ERICH3: variants seen among roughly 807,000 people sequenced by gnomAD.
ERICH3 encodes glutamate-rich protein 3.
ERICH3 carries 126 observed loss-of-function variants against 131.1 expected under a neutral mutation model. That is an observed-to-expected ratio of 0.96 (90% confidence interval 0.83 to 1.11). The LOEUF is 1.11. Among genes scored for constraint, ERICH3 ranks in the 50% most tolerant of loss-of-function variants. The pLI, the probability that ERICH3 is intolerant of heterozygous loss-of-function variation, is 0.00. For synonymous variants in ERICH3, 695 were observed against 644.6 expected, an observed-to-expected ratio of 1.08 and a Z score of -1.18; for missense variants, 2,050 against 1,810.7, an observed-to-expected ratio of 1.13 and a Z score of -2.40.
Position 74,569,413 on chromosome 1 carries a change from C to T in ERICH3, c.*1045G>A, listed in dbSNP as rs1298392614. Reference sequence around the variant, plus strand: ...TGTATGTCTTCAGGGAAATGAAAACCCCTAGGAGACAGGCTGATACACAAC... The same window carrying T: ...TGTATGTCTTCAGGGAAATGAAAACTCCTAGGAGACAGGCTGATACACAAC... On this transcript the variant is annotated 3_prime_UTR_variant, in exon 15 of 15. Transcript: ENST00000326665. The T allele has an allele frequency of 6.6e-6, 1 of 151,892 alleles. No individual in the cohort carries two copies. Among genetic ancestry groups the T allele is most frequent in the Non-Finnish European group, 1.5e-5 (1 of 67,988 alleles). The allele number at this position is 151,892 out of a possible 1,614,324, so 9.4% of individuals were successfully genotyped here.
At chr1:74,637,463 A>T (rs1646399708) in intron 5 of ERICH3, among the ~76,000 whole-genome samples, 1 of 152,010 alleles carries the variant, frequency 6.6e-6, no homozygotes, top group South Asian at 2.1e-4. Flanking sequence ...CTTTTTAAAC[A>T]CTTTCTAATT....
chr1:74,606,730 CT>C lies in ERICH3; in HGVS notation c.1359del (p.Ala454ProfsTer8), dbSNP rs765302138. On this transcript the variant is annotated frameshift_variant, in exon 10 of 15. Coordinates refer to ENST00000326665, the MANE Select transcript of ERICH3 (RefSeq NM_001002912.5). LOFTEE classifies it high-confidence loss of function. Reference sequence around the variant, plus strand: ...TTTATTTCTTGAGCTGAAAATTTGGCTGAAACAGAGGTTTTGTTCTCCTTGA... The same window carrying C: ...TTTATTTCTTGAGCTGAAAATTTGGCGAAACAGAGGTTTTGTTCTCCTTGA... ...NEIKENKTSV[S>X]AKFSAQEIKT... 5.5e-5 allele frequency: 89 copies of C among 1,613,298 alleles called. No individual in the cohort carries two copies. Among genetic ancestry groups the C allele is most frequent in the Non-Finnish European group, 7.3e-5 (86 of 1,179,596 alleles).
chr1:74,649,054 T>A (rs1300021846), intron 2 of ERICH3, among the ~76,000 whole-genome samples, 168 bp downstream of exon 2: 1 of 152,168 alleles, frequency 6.6e-6, no homozygotes, highest in African/African-American at 2.4e-5. Flanking sequence ...CCTGCCTTCC[T>A]ATCTTTTCAA....
At chr1:74,577,583 A>C (rs1647090093) in intron 12 of ERICH3, 1 of 152,206 alleles carries the variant, frequency 6.6e-6, no homozygotes, top group South Asian at 2.1e-4. Context: ...ATTTAAGTGC[A>C]TTTACATTAA....
Position 74,573,314 on chromosome 1 carries a change from C to T in ERICH3, c.2396G>A (p.Gly799Glu), listed in dbSNP as rs1646993766. 2 of 1,602,686 alleles carry T rather than the reference C, an allele frequency of 1.2e-6. No individual in the cohort carries two copies. Among genetic ancestry groups the T allele is most frequent in the Non-Finnish European group, 1.7e-6 (2 of 1,175,634 alleles). The change falls in exon 14 of 15, where the codon GGA (glycine) becomes GAA (glutamate). Residue 799 changes from glycine to glutamate, a missense_variant. Coordinates refer to ENST00000326665, the MANE Select transcript of ERICH3 (RefSeq NM_001002912.5). ...AGCCTCATGAACAGCTCCTGCTTCT[C>T]CCCACAGTGCTGCCTCCCCTTTTCC... is the stretch of plus-strand genomic sequence containing the variant. The part of the protein sequence containing the change: ...VQGKGEAALW[G>E]EAGAVHEAPL...
intron 1 of ERICH3, among the ~76,000 whole-genome samples, chr1:74,656,583 A>G (rs575847532): frequency 6.6e-6 from 1 of 152,192 alleles, no homozygotes; most frequent in African/African-American, 2.4e-5. Flanking sequence ...GCCATTATCC[A>G]TCAAGTAAAA....
chr1:74,634,594 A>G, intron 6 of ERICH3: 2 of 694,470 alleles, frequency 2.9e-6, no homozygotes, highest in Non-Finnish European at 2.7e-6. Flanking sequence ...TGGTGTTCAC[A>G]TGTCTAATGA....
chr1:74,602,974 G>C (rs959568008), intron 10 of ERICH3, among the ~76,000 whole-genome samples: 1 of 151,916 alleles, frequency 6.6e-6, no homozygotes, highest in African/African-American at 2.4e-5. Context: ...TTTTGTAAAA[G>C]ATTCACTTTA....
intron 11 of ERICH3, among the ~76,000 whole-genome samples, chr1:74,597,313 G>T (rs1012899837): frequency 6.6e-6 from 1 of 151,626 alleles, no homozygotes; most frequent in Non-Finnish European, 1.5e-5. Flanking sequence ...TGACGATGGA[G>T]TAAAAAAAAA....
chr1:74,649,052 C>T (rs541204344), intron 2 of ERICH3, among the ~76,000 whole-genome samples, 170 bp downstream of exon 2: 1 of 152,202 alleles, frequency 6.6e-6, no homozygotes, highest in South Asian at 2.1e-4. Flanking sequence ...GACCTGCCTT[C>T]CTATCTTTTC....
At chr1:74,641,810 A>C (rs1646440133) in intron 4 of ERICH3, among the ~76,000 whole-genome samples, 1 of 152,172 alleles carries the variant, frequency 6.6e-6, no homozygotes, top group Non-Finnish European at 1.5e-5. Context: ...CATTAGGCAA[A>C]AAGTGTTCCA....
At chr1:74,673,806 C>T, upstream of ERICH3, 3 of 363,876 alleles carry the variant, frequency 8.2e-6, no homozygotes, top group African/African-American at 2.1e-5. Flanking sequence ...ACCGAGCCTG[C>T]GGAAGCTGGA....
At chr1:74,586,323 A>G (rs1647328184) in intron 12 of ERICH3, 1 of 833,690 alleles carries the variant, frequency 1.2e-6, no homozygotes, top group Non-Finnish European at 1.4e-6. Flanking sequence ...AAAATAACAT[A>G]TGTATATGTA....
rs1254758549 is a variant in ERICH3, at chr1:74,606,748, TCTC to T, written c.1339_1341del (p.Glu447del). The T allele has an allele frequency of 6.2e-7, 1 of 1,613,458 alleles. No homozygotes were observed. Among genetic ancestry groups the T allele is most frequent in the East Asian group, 2.2e-5 (1 of 44,844 alleles). On this transcript the variant is annotated inframe_deletion, in exon 10 of 15. Transcript: ENST00000326665. The stretch of plus-strand genomic sequence containing the variant: ...AATTTGGCTGAAACAGAGGTTTTGT[TCTC>T]CTTGATCTCATTTCTTTTTGGTATC...
chr1:74,606,296 C>A (rs1648389191), intron 10 of ERICH3, among the ~76,000 whole-genome samples: 2 of 151,860 alleles, frequency 1.3e-5, no homozygotes, highest in Non-Finnish European at 2.9e-5. Context: ...AGGTAAAATT[C>A]TATTTGGTGA....
At chr1:74,629,767 A>G (rs1172994422) in intron 7 of ERICH3, among the ~76,000 whole-genome samples, 1 of 152,204 alleles carries the variant, frequency 6.6e-6, no homozygotes, top group African/African-American at 2.4e-5. Flanking sequence ...GATTCTATTC[A>G]GCTTATTTTC....
Position 74,573,151 on chromosome 1 carries a change from T to C in ERICH3, c.2559A>G (p.Glu853=). ...CTTGTCCTATGGGGTCTGACCCCCC[T>C]TCACCCAGCCTTCTGACCCCTTCTG... is the stretch of plus-strand genomic sequence containing the variant. The part of the protein sequence containing the change: ...AEAEGVRRLG[E]GGSDPIGQAA... The change falls in exon 14 of 15, where the codon GAA becomes GAG. Residue 853 remains glutamate (E), a synonymous_variant. Coordinates refer to ENST00000326665, the MANE Select transcript of ERICH3 (RefSeq NM_001002912.5). The C allele has an allele frequency of 1.9e-6, 3 of 1,613,104 alleles. No individual in the cohort carries two copies. The highest frequency in any genetic ancestry group is 2.5e-6 in the Non-Finnish European group (3 of 1,179,552).
rs754892556 is a variant in ERICH3, at chr1:74,620,894, T to C, written c.840A>G (p.Lys280=). 4 of 1,596,306 alleles carry C rather than the reference T, an allele frequency of 2.5e-6. No homozygotes were observed. The African/African-American group carries it at 5.4e-5, about 22-fold the overall frequency. ...TAGCTGCATTACTATGTAAGGATGTTTTATGAATCCTTCTTGAATCCTGAA... is the reference window on the plus strand; with the variant it reads ...TAGCTGCATTACTATGTAAGGATGTCTTATGAATCCTTCTTGAATCCTGAA... The part of the protein sequence containing the change: ...LLTKDSRRIH[K]TSLHSNAAIT... The change falls in exon 8 of 15, where the codon AAA becomes AAG. Residue 280 remains lysine (K), a synonymous_variant. Coordinates refer to ENST00000326665, the MANE Select transcript of ERICH3 (RefSeq NM_001002912.5).
intron 7 of ERICH3, among the ~76,000 whole-genome samples, chr1:74,626,815 T>A (rs951385367): frequency 7.9e-5 from 12 of 152,154 alleles, no homozygotes; most frequent in African/African-American, 2.9e-4. Context: ...CTTGCTGGAC[T>A]GTGAGTCGTA....
Sources: allele counts gnomAD v4.1 joint callset (sites outside exome capture counted in the v4.1 genomes callset), GRCh38; gene constraint gnomAD v4.1.1; transcripts MANE v1.5; gene names NCBI Gene and HGNC (gene_info 2026-07-23, HGNC 2026-07-21).